LTBP1: variants seen among roughly 807,000 people sequenced by gnomAD.
LTBP1 encodes latent-transforming growth factor beta-binding protein 1.
A neutral mutation model predicts 207.6 loss-of-function variants in LTBP1; 129 were observed. The observed-to-expected ratio is 0.62, with a 90% CI of 0.54 to 0.72. The LOEUF (loss-of-function observed/expected upper bound fraction) is 0.72. Among genes scored for constraint, LTBP1 ranks in the 30% least tolerant of loss-of-function variants. The probability of loss-of-function intolerance (pLI) is 0.00; values close to 1 mark genes in which losing one functional copy is unlikely to be tolerated. For synonymous variants in LTBP1, 963 were observed against 833.7 expected (o/e 1.16, Z -2.67); for missense variants, 2,281 against 2,217.2 (o/e 1.03, Z -0.58).
At chr2:33,009,821 A>G (rs1263674561) in intron 2 of LTBP1, among the ~76,000 whole-genome samples, 1 of 152,186 alleles carries the variant, frequency 6.6e-6, no homozygotes, top group Non-Finnish European at 1.5e-5. Flanking sequence ...GGGTGGATGG[A>G]GGGGACAGAA....
intron 32 of LTBP1, among the ~76,000 whole-genome samples, chr2:33,391,805 T>A (rs1183707223): frequency 6.6e-6 from 1 of 152,248 alleles, no homozygotes; most frequent in Admixed American, 6.5e-5. Flanking sequence ...AAAGCTCTTT[T>A]TTTTAATTAA....
chr2:33,138,952 G>A (rs1439171023), intron 5 of LTBP1, among the ~76,000 whole-genome samples: 10 of 135,288 alleles, frequency 7.4e-5, no homozygotes, highest in South Asian at 7.3e-4. Context: ...TCCGCCTCCC[G>A]GGTTCACGCC....
chr2:33,093,902 C>G (rs183342156), intron 3 of LTBP1, among the ~76,000 whole-genome samples: 1 of 152,048 alleles, frequency 6.6e-6, no homozygotes, highest in Non-Finnish European at 1.5e-5. Context: ...GTGGACATAA[C>G]TAGTTCTTTT....
chr2:33,204,138 G>A (rs1573161956), intron 7 of LTBP1, among the ~76,000 whole-genome samples: 1 of 152,168 alleles, frequency 6.6e-6, no homozygotes, highest in Admixed American at 6.5e-5. Context: ...ATATTGAAGA[G>A]GACAGAGTTC....
intron 3 of LTBP1, among the ~76,000 whole-genome samples, chr2:33,027,603 T>G (rs1255908495): frequency 6.6e-6 from 1 of 152,076 alleles, no homozygotes; most frequent in Non-Finnish European, 1.5e-5. Context: ...TTTGGAGGCC[T>G]AGGCAGCTGG....
At chr2:33,129,377 C>G (rs1018586883) in intron 4 of LTBP1, among the ~76,000 whole-genome samples, 13 of 152,208 alleles carry the variant, frequency 8.5e-5, no homozygotes, top group Admixed American at 8.5e-4. Context: ...TAACCAGAGG[C>G]AGCAACAGGG....
intron 7 of LTBP1, among the ~76,000 whole-genome samples, chr2:33,200,483 G>A (rs2089107480): frequency 6.6e-6 from 1 of 152,240 alleles, no homozygotes; most frequent in South Asian, 2.1e-4. Flanking sequence ...ATTGAAGATG[G>A]ATTAAAGACT....
In LTBP1 at chr2:33,293,192, G is replaced by A. The variant is rs200895398; in HGVS notation, c.3145G>A (p.Ala1049Thr). 27 of 1,613,890 alleles carry A rather than the reference G, an allele frequency of 1.7e-5. No individual in the cohort carries two copies. The highest frequency in any genetic ancestry group is 2.2e-5 in the East Asian group (1 of 44,862). ...VDECLEPNVC[A>T]NGDCSNLEGS... ...CGAGTGCCTGGAACCAAACGTCTGCGCAAATGGTGATTGTTCCAACCTTGA... is the reference window on the plus strand; with the variant it reads ...CGAGTGCCTGGAACCAAACGTCTGCACAAATGGTGATTGTTCCAACCTTGA... Residue 1049 changes from alanine (A) to threonine (T), a missense_variant, in exon 20 of 34, where the codon GCA (alanine) becomes ACA (threonine). By Grantham distance (58) the Ala-to-Thr change is moderately conservative. This residue lies in a region of LTBP1 where 1,671 missense variants were observed against 1,634.8 expected (regional missense o/e 1.02). Coordinates refer to ENST00000404816, the MANE Select transcript of LTBP1 (RefSeq NM_206943.4).
chr2:32,969,752 T>C (rs1263656696), intron 2 of LTBP1, among the ~76,000 whole-genome samples: 2 of 152,194 alleles, frequency 1.3e-5, no homozygotes, highest in Non-Finnish European at 2.9e-5. Flanking sequence ...GCATGTGTCT[T>C]TATGTTAGAA....
intron 7 of LTBP1, 135 bp from the exon 8 acceptor site, chr2:33,217,417 T>A: frequency 1.9e-6 from 1 of 531,238 alleles, no homozygotes; most frequent in Non-Finnish European, 3.4e-6. Context: ...TTCCAAGTTT[T>A]ATAGTTTTTT....
rs2076562015 is a variant in LTBP1 at position 33,048,538 on chromosome 2, G to T, written c.863+27332G>T. ...AGACATTCCACTAAGGCTGCAAGAA[G>T]AAAAAAAAGAATAGATGTTGTACTT... On this transcript the variant is annotated intron_variant, in intron 3 of 33. Transcript: ENST00000404816. Among the ~76,000 whole-genome samples, 3 of 151,864 alleles carry T rather than the reference G, an allele frequency of 2.0e-5. No individual in the cohort carries two copies. The South Asian group carries it at 6.2e-4, about 32-fold the overall frequency.
intron 19 of LTBP1, 86 bp from the exon 20 acceptor site, chr2:33,293,074 T>G (rs2093806431): frequency 7.2e-7 from 1 of 1,384,702 alleles, no homozygotes; most frequent in African/African-American, 1.5e-5. Flanking sequence ...GAAGGTCTAC[T>G]GTTTCCATTT....
intron 16 of LTBP1, 139 bp from the exon 17 acceptor site, chr2:33,274,826 T>C: frequency 1.4e-6 from 1 of 739,122 alleles, no homozygotes; most frequent in Non-Finnish European, 2.2e-6. Flanking sequence ...AGGAGAAAGA[T>C]CGTGTCTCCT....
intron 5 of LTBP1, among the ~76,000 whole-genome samples, chr2:33,150,921 G>A (rs961900183): frequency 6.6e-6 from 1 of 151,342 alleles, no homozygotes; most frequent in Admixed American, 6.6e-5. Flanking sequence ...AATGTTTTTA[G>A]TAGAGGCACG....
At chr2:32,980,220 CCTTCT>C (rs564217032) in intron 2 of LTBP1, among the ~76,000 whole-genome samples, 85 of 151,928 alleles carry the variant, frequency 5.6e-4, no homozygotes, top group African/African-American at 1.8e-3. Context: ...TGTTTTCTGG[CCTTCT>C]CTTCTTTCTT....
At chr2:33,274,766 A>T (rs139130616) in intron 16 of LTBP1, among the ~76,000 whole-genome samples, 199 bp from the exon 17 acceptor site, 77 of 152,290 alleles carry the variant, frequency 5.1e-4, no homozygotes, top group African/African-American at 1.8e-3. Flanking sequence ...CTTTGAAGTG[A>T]TACACAGTAG....
At chr2:33,171,862 T>TA (rs1166426659) in intron 5 of LTBP1, among the ~76,000 whole-genome samples, 2 of 152,014 alleles carry the variant, frequency 1.3e-5, no homozygotes, top group East Asian at 3.9e-4. Context: ...TCAACATTCT[T>TA]AAAAAAAAGA....
rs922589919 is a variant in LTBP1, at chr2:33,375,562, C to T, written c.4711+10059C>T. On this transcript the variant is annotated intron_variant, in intron 31 of 33. Coordinates refer to ENST00000404816, the MANE Select transcript of LTBP1 (RefSeq NM_206943.4). ...GTTTATTTTGAGACGGAGTCTCGCT[C>T]TGTCGCCCAGGCTGGAGTGCAGTGG... Among the ~76,000 whole-genome samples the T allele has an allele frequency of 2.0e-5, 3 of 151,972 alleles. 1 individual carries two copies. Among genetic ancestry groups the T allele is most frequent in the Non-Finnish European group, 4.4e-5 (3 of 68,024 alleles).
rs35334788 is a variant in LTBP1, at chr2:33,087,084, C to CTTTTTTTTTTTTTTTTTTT, written c.864-23492_864-23474dup. 1.2e-3 allele frequency among the ~76,000 whole-genome samples: 110 copies of CTTTTTTTTTTTTTTTTTTT among 88,958 alleles called. 4 individuals are homozygous for CTTTTTTTTTTTTTTTTTTT. Among genetic ancestry groups the CTTTTTTTTTTTTTTTTTTT allele is most frequent in the Middle Eastern group, 7.5e-3 (1 of 134 alleles). 58.4% of individuals were successfully genotyped at this position (88,958 alleles called of 152,430 possible). A position where few individuals can be genotyped will look rare whatever the true frequency, so the allele number is the denominator to read the frequency against. ...AGCACCAGGCTGTCCCTCCTTTATG[C>CTTTTTTTTTTTTTTTTTTT]TTTTTTTTTTTTTTTTTTTTTTTTG... On this transcript the variant is annotated intron_variant, in intron 3 of 33. Transcript: ENST00000404816.
Sources: gnomAD v4.1 joint callset for allele counts (sites outside exome capture counted in the v4.1 genomes callset) on GRCh38, gnomAD v4.1.1 for gene constraint, gnomAD v4.1.1 regional missense constraint, MANE v1.5 for transcripts, NCBI Gene and HGNC (gene_info 2026-07-23, HGNC 2026-07-21) for gene names.